GAPVD1: variants seen among roughly 807,000 people sequenced by gnomAD.
GAPVD1 encodes the protein GTPase-activating protein and VPS9 domain-containing protein 1.
In GAPVD1, 35 loss-of-function variants were observed where a neutral mutation model predicts 155.5. That is an observed-to-expected ratio of 0.23 (90% confidence interval 0.17 to 0.30). GAPVD1 has a LOEUF of 0.30. Among genes scored for constraint, GAPVD1 ranks in the 10% least tolerant of loss-of-function variants. The pLI is 1.00. For synonymous variants in GAPVD1, 636 were observed against 619.7 expected, an observed-to-expected ratio of 1.03 and a Z score of -0.39; for missense variants, 1,429 against 1,775.7, an observed-to-expected ratio of 0.80 and a Z score of 3.51.
intron 4 of GAPVD1, among the ~76,000 whole-genome samples, chr9:125,301,623 A>G (rs182886284): frequency 4.9e-4 from 75 of 151,544 alleles, no homozygotes; most frequent in African/African-American, 1.7e-3. Flanking sequence ...TAATTTTTGT[A>G]TTTTTAGAAG....
chr9:125,311,003 C>T (rs1257888933), intron 8 of GAPVD1, among the ~76,000 whole-genome samples: 6 of 150,414 alleles, frequency 4.0e-5, no homozygotes, highest in Non-Finnish European at 7.4e-5. Flanking sequence ...CCATGCCCGG[C>T]TAATTTTTTG....
intron 25 of GAPVD1, among the ~76,000 whole-genome samples, chr9:125,357,984 A>AC (rs1179190834): frequency 3.6e-4 from 54 of 151,156 alleles, no homozygotes; most frequent in African/African-American, 1.2e-3. Context: ...TTAAAAAAAA[A>AC]AAACACACAC....
At chr9:125,331,884 AAG>A in intron 13 of GAPVD1, 40 bp from the exon 14 acceptor site, 1 of 1,603,604 alleles carries the variant, frequency 6.2e-7, no homozygotes, top group Non-Finnish European at 8.5e-7. Flanking sequence ...GTGGTGTGCT[AAG>A]AGAATCACAA....
intron 2 of GAPVD1, among the ~76,000 whole-genome samples, chr9:125,271,806 T>G (rs111307081): frequency 0.011 from 1,646 of 151,912 alleles, 20 homozygotes; most frequent in African/African-American, 0.036. Flanking sequence ...CTGCCTCGAG[T>G]GCTGGGCTTA....
intron 21 of GAPVD1, among the ~76,000 whole-genome samples, chr9:125,349,800 A>G (rs2132356122): frequency 6.6e-6 from 1 of 151,998 alleles, no homozygotes; most frequent in East Asian, 1.9e-4. Context: ...GGAGTTGGAG[A>G]CCAGCTTGGG....
chr9:125,347,266 C>T (rs576640377), intron 20 of GAPVD1, among the ~76,000 whole-genome samples: 9 of 152,208 alleles, frequency 5.9e-5, no homozygotes, highest in Non-Finnish European at 1.2e-4. Context: ...CAGTTATGCA[C>T]TCTCAATATA....
chr9:125,296,018 A>G (rs1839792046), intron 3 of GAPVD1, among the ~76,000 whole-genome samples: 1 of 152,186 alleles, frequency 6.6e-6, no homozygotes, highest in South Asian at 2.1e-4. Flanking sequence ...ATTATGAAAA[A>G]TTTCTAACAT....
Position 125,298,934 on chromosome 9 carries a change from G to A in GAPVD1, c.13G>A (p.Asp5Asn). Residue 5 changes from aspartate to asparagine, a missense_variant, in exon 4 of 28, where the codon GAT (aspartate) becomes AAT (asparagine). Transcript: ENST00000297933. ...TCCCACATTGAAGATGGTGAAACTAGATATTCATACTCTGGCTCATCACCT... is the reference window on the plus strand; with the variant it reads ...TCCCACATTGAAGATGGTGAAACTAAATATTCATACTCTGGCTCATCACCT... MVKL[D>N]IHTLAHHLKQ... 6.2e-7 allele frequency: 1 copy of A among 1,600,298 alleles called. No homozygotes were observed. The highest frequency in any genetic ancestry group is 8.5e-7 in the Non-Finnish European group (1 of 1,174,016).
Position 125,312,541 on chromosome 9 carries a change from C to G in GAPVD1, c.1531C>G (p.Pro511Ala), listed in dbSNP as rs1300323194. 6.2e-7 allele frequency: 1 copy of G among 1,610,374 alleles called. No individual in the cohort carries two copies. ...TCAAGAAACCATTCAGGAGGTGCAA[C>G]CAGAAGAGGTGTTGGTCATTTCCTT... ...SSQETIQEVQ[P>A]EEVLVISLGT... The change falls in exon 9 of 28, where the codon CCA becomes GCA. Residue 511 changes from proline to alanine, a missense_variant. Coordinates refer to ENST00000297933, the MANE Select transcript of GAPVD1 (RefSeq NM_001282680.3).
At chr9:125,319,828 C>T (rs1332502141) in intron 9 of GAPVD1, among the ~76,000 whole-genome samples, 2 of 152,072 alleles carry the variant, frequency 1.3e-5, no homozygotes, top group Non-Finnish European at 1.5e-5. Context: ...CTCCTGACCT[C>T]AGGTGATCCA....
intron 3 of GAPVD1, among the ~76,000 whole-genome samples, chr9:125,296,181 C>CTT (rs780590608): frequency 2.1e-5 from 3 of 140,172 alleles, no homozygotes; most frequent in Non-Finnish European, 4.7e-5. Context: ...TTCTTTCTTC[C>CTT]TTTTTTTTTT....
chr9:125,327,102 T>A (rs1210611044), intron 12 of GAPVD1, among the ~76,000 whole-genome samples: 1 of 152,160 alleles, frequency 6.6e-6, no homozygotes, highest in Non-Finnish European at 1.5e-5. Flanking sequence ...TTCTTCTTCT[T>A]ACATTTTTAT....
chr9:125,334,270 TAAAAAAAA>T (rs780577226), intron 15 of GAPVD1, among the ~76,000 whole-genome samples: 2 of 104,478 alleles, frequency 1.9e-5, no homozygotes, highest in Non-Finnish European at 4.1e-5. Flanking sequence ...CACTCACAGT[TAAAAAAAA>T]AAAAAAAAAA....
At chr9:125,314,692 A>G (rs1186692658) in intron 9 of GAPVD1, among the ~76,000 whole-genome samples, 1 of 152,126 alleles carries the variant, frequency 6.6e-6, no homozygotes, top group African/African-American at 2.4e-5. Context: ...AGAAAAAAGA[A>G]ACAAAAAGAC....
At position 125,321,399 on chromosome 9, in the gene GAPVD1, A is replaced by G. The variant is rs1471203831; in HGVS notation, c.1603-34A>G. The stretch of plus-strand genomic sequence containing the variant: ...TTGTTTCCTTATCAGTAATCTTTCC[A>G]TTGATAAACCAAAATTGACATTTTA... On this transcript the variant is annotated intron_variant, in intron 9 of 27. Transcript: ENST00000297933. The G allele has an allele frequency of 2.6e-6, 4 of 1,567,134 alleles. No individual in the cohort carries two copies. The African/African-American group carries it at 5.4e-5, about 21-fold the overall frequency.
chr9:125,326,281 GC>G, intron 11 of GAPVD1, 134 bp from the exon 12 acceptor site: 1 of 596,002 alleles, frequency 1.7e-6, no homozygotes, highest in Non-Finnish European at 2.9e-6. Flanking sequence ...ACTTTGGGAG[GC>G]CGAGGCGGGC....
intron 2 of GAPVD1, among the ~76,000 whole-genome samples, chr9:125,292,751 C>CT (rs556436476): frequency 7.8e-4 from 119 of 152,206 alleles, no homozygotes; most frequent in African/African-American, 2.7e-3. Context: ...AGGAGAAGAT[C>CT]TTCTTGCCAA....
chr9:125,348,249 G>T (rs1239095948), intron 20 of GAPVD1, among the ~76,000 whole-genome samples: 1 of 152,080 alleles, frequency 6.6e-6, no homozygotes, highest in Non-Finnish European at 1.5e-5. Context: ...TAGAGATGGG[G>T]CTTCGCCATG....
chr9:125,291,465 A>G (rs1427077932), intron 2 of GAPVD1, among the ~76,000 whole-genome samples: 1 of 152,136 alleles, frequency 6.6e-6, no homozygotes, highest in Non-Finnish European at 1.5e-5. Context: ...TACACTAGCT[A>G]GGTAAGGAGG....
Sources: gnomAD v4.1 joint callset for allele counts (sites outside exome capture counted in the v4.1 genomes callset) on GRCh38, gnomAD v4.1.1 for gene constraint, MANE v1.5 for transcripts, NCBI Gene and HGNC (gene_info 2026-07-23, HGNC 2026-07-21) for gene names.